Variants in TNFSF15 observed in about 807,000 individuals in gnomAD.
TNFSF15 encodes TNF superfamily member 15.
Under a neutral mutation model 26.4 loss-of-function variants are expected in TNFSF15, and 15 were observed. The ratio of observed to expected loss-of-function variants is 0.57; its 90% CI spans 0.38 to 0.87. The LOEUF is 0.87. Among genes scored for constraint, TNFSF15 ranks in the 40% least tolerant of loss-of-function variants. The pLI, the probability that TNFSF15 is intolerant of heterozygous loss-of-function variation, is 0.00. For missense variants in TNFSF15, 290 were observed against 306.1 expected (o/e 0.95, Z 0.39); for synonymous variants, 116 against 115.0 (o/e 1.01, Z -0.06).
intron 1 of TNFSF15, among the ~76,000 whole-genome samples, chr9:114,801,185 A>G (rs1829742422): frequency 6.6e-6 from 1 of 152,194 alleles, no homozygotes; most frequent in Admixed American, 6.5e-5. Flanking sequence ...ACCTTGGTGC[A>G]TTCTGCTTTG....
Position 114,787,747 on chromosome 9 carries a change from C to T in TNFSF15, c.*2705G>A, listed in dbSNP as rs1180368639. On this transcript the variant is annotated 3_prime_UTR_variant, in exon 4 of 4. Transcript: ENST00000374045. ...CATGAGCCCTATTAGGAATGTCTGA[C>T]TGTGCCTTTCCGTAAAAAATATACT... 1.3e-5 allele frequency: 2 copies of T among 153,744 alleles called. No homozygotes were observed. Among genetic ancestry groups the T allele is most frequent in the African/African-American group, 4.8e-5 (2 of 41,448 alleles). The allele number at this position is 153,744 out of a possible 1,614,324, so 9.5% of individuals were successfully genotyped here. A position where few individuals can be genotyped will look rare whatever the true frequency, so the allele number is the denominator to read the frequency against.
At position 114,786,453 on chromosome 9, in the gene TNFSF15, T is replaced by TTAC. The variant is rs1376167532; in HGVS notation, c.*3996_*3998dup. 6.6e-6 allele frequency: 1 copy of TTAC among 152,146 alleles called. No individual in the cohort carries two copies. Among genetic ancestry groups the TTAC allele is most frequent in the Non-Finnish European group, 1.5e-5 (1 of 68,050 alleles). The allele number at this position is 152,146 out of a possible 1,614,324, so 9.4% of individuals were successfully genotyped here. ...GTTAAACTTTTATAATCCAGGGGGA[T>TTAC]TACTGACCAGCACAGAGGCGGAATT... On this transcript the variant is annotated 3_prime_UTR_variant, in exon 4 of 4. Transcript: ENST00000374045.
chr9:114,801,395 G>A (rs547653525), intron 1 of TNFSF15, among the ~76,000 whole-genome samples: 1 of 152,210 alleles, frequency 6.6e-6, no homozygotes, highest in East Asian at 1.9e-4. Context: ...GGGGTTGGGA[G>A]GCAAGACCTG....
At chr9:114,795,360 T>C (rs55958451) in intron 1 of TNFSF15, among the ~76,000 whole-genome samples, 1 of 152,174 alleles carries the variant, frequency 6.6e-6, no homozygotes, top group Non-Finnish European at 1.5e-5. Context: ...GTGTTGTGAG[T>C]GTATAGTCAG....
chr9:114,799,452 T>C (rs1829712404), intron 1 of TNFSF15, among the ~76,000 whole-genome samples: 1 of 152,218 alleles, frequency 6.6e-6, no homozygotes, highest in Non-Finnish European at 1.5e-5. Context: ...TGTATCTTTT[T>C]ATCACAAGGA....
chr9:114,799,409 C>T (rs1829711919), intron 1 of TNFSF15, among the ~76,000 whole-genome samples: 1 of 152,200 alleles, frequency 6.6e-6, no homozygotes, highest in African/African-American at 2.4e-5. Flanking sequence ...TCTTTTTGGT[C>T]TTAGGACTTC....
chr9:114,805,890 C>T lies in TNFSF15; in HGVS notation c.123G>A (p.Leu41=), dbSNP rs1470305901. 9 of 1,613,958 alleles carry T rather than the reference C, an allele frequency of 5.6e-6. No homozygotes were observed. The African/African-American group carries it at 9.3e-5, about 17-fold the overall frequency. ...SSARWALTCC[L]VLLPFLAGLT... ...GTCCTGCAAGGAAGGGGAGCAACAC[C>T]AGGCAGCAGGTGAGAGCCCAGCGTG... Residue 41 remains leucine, a synonymous_variant, in exon 1 of 4, where the codon CTG becomes CTA. Coordinates refer to ENST00000374045, the MANE Select transcript of TNFSF15 (RefSeq NM_005118.4).
rs1040091957 is a variant in TNFSF15, at chr9:114,792,207, G to C, written c.301+200C>G. ...AGATAAGGAAAACGTGTGTGTGTGTGTATATACATATGTGTGTACACACAC... is the reference window on the plus strand; with the variant it reads ...AGATAAGGAAAACGTGTGTGTGTGTCTATATACATATGTGTGTACACACAC... On this transcript the variant is annotated intron_variant, in intron 3 of 3. Transcript: ENST00000374045. The C allele has an allele frequency of 4.9e-6, 3 of 609,844 alleles. No individual in the cohort carries two copies. In the African/African-American group the frequency reaches 5.9e-5, roughly 12 times the overall value. The allele number at this position is 609,844 out of a possible 1,614,324, so 37.8% of individuals were successfully genotyped here.
rs55705077 is a variant in TNFSF15, at chr9:114,798,622, C to T, written c.211-5054G>A. 1.8e-3 allele frequency among the ~76,000 whole-genome samples: 279 copies of T among 152,076 alleles called. 4 individuals carry two copies. The East Asian group carries it at 0.028, about 15-fold the overall frequency. ...CACCTTTTCATGGCTTAGAATGGCA[C>T]GAAAAGAGGTCAAGCAACTGTCCAA... On this transcript the variant is annotated intron_variant, in intron 1 of 3. Transcript: ENST00000374045.
rs1829816913 is a variant in TNFSF15, at chr9:114,805,943, A to G, written c.70T>C (p.Cys24Arg). ...SVEMLPEHGSCRPKARSSSAR... is the reference protein window; with the variant it reads ...SVEMLPEHGSRRPKARSSSAR... ...CTGCTGCTCCTGGCCTTGGGCCTGC[A>G]GCTGCCGTGCTCTGGCAGCATTTCC... Residue 24 changes from cysteine to arginine, a missense_variant, in exon 1 of 4, where the codon TGC becomes CGC. Cys to Arg is a radical substitution (Grantham distance 180, BLOSUM62 -3). This residue lies in a region of TNFSF15 where 179 missense variants were observed against 165.9 expected (regional missense o/e 1.08). Coordinates refer to ENST00000374045, the MANE Select transcript of TNFSF15 (RefSeq NM_005118.4). 1.2e-6 allele frequency: 2 copies of G among 1,614,132 alleles called. No homozygotes were observed. The highest frequency in any genetic ancestry group is 1.7e-6 in the Non-Finnish European group (2 of 1,180,044).
At chr9:114,798,382 T>G (rs1829699802) in intron 1 of TNFSF15, among the ~76,000 whole-genome samples, 1 of 152,120 alleles carries the variant, frequency 6.6e-6, no homozygotes, top group Non-Finnish European at 1.5e-5. Context: ...GTTTTTTTTT[T>G]TGTATGTTGA....
In TNFSF15 at chr9:114,792,090, T is replaced by C. The variant is rs553195277; in HGVS notation, c.301+317A>G. On this transcript the variant is annotated intron_variant, in intron 3 of 3. Coordinates refer to ENST00000374045, the MANE Select transcript of TNFSF15 (RefSeq NM_005118.4). The stretch of plus-strand genomic sequence containing the variant: ...AGGGAAGAAGACATCCAAAAAACCC[T>C]CCATGAGATACCTGCACTCACATGC... 3.9e-5 allele frequency: 12 copies of C among 307,784 alleles called. No homozygotes were observed. In the South Asian group the frequency reaches 1.1e-3, roughly 29 times the overall value. The allele number at this position is 307,784 out of a possible 1,614,324, so 19.1% of individuals were successfully genotyped here.
At position 114,785,643 on chromosome 9, in the gene TNFSF15, GA is replaced by G. The variant is rs1475039152; in HGVS notation, c.*4808del. On this transcript the variant is annotated 3_prime_UTR_variant, in exon 4 of 4. Transcript: ENST00000374045. ...AGCATCCTAGAAAAATTCTATTTTG[GA>G]GTAGAAAATTCCTTTGGGGATCAAG... is the stretch of plus-strand genomic sequence containing the variant. The G allele has an allele frequency of 6.6e-6, 1 of 152,164 alleles. No individual in the cohort carries two copies. The highest frequency in any genetic ancestry group is 2.4e-5 in the African/African-American group (1 of 41,438). The allele number at this position is 152,164 out of a possible 1,614,324, so 9.4% of individuals were successfully genotyped here.
chr9:114,803,666 T>C (rs1282903532), intron 1 of TNFSF15, among the ~76,000 whole-genome samples: 2 of 152,204 alleles, frequency 1.3e-5, no homozygotes, highest in Non-Finnish European at 2.9e-5. Flanking sequence ...TCAATGGGAT[T>C]GGATTGGAGG....
intron 1 of TNFSF15, among the ~76,000 whole-genome samples, chr9:114,802,106 G>A (rs1829756774): frequency 6.6e-6 from 1 of 152,080 alleles, no homozygotes; most frequent in Non-Finnish European, 1.5e-5. Flanking sequence ...AAGAGGGTGA[G>A]ATATTTATCT....
At chr9:114,803,169 T>G (rs1292854306) in intron 1 of TNFSF15, among the ~76,000 whole-genome samples, 1 of 152,156 alleles carries the variant, frequency 6.6e-6, no homozygotes, top group Non-Finnish European at 1.5e-5. Flanking sequence ...GGAGAGCATC[T>G]GAAATTCCAT....
At chr9:114,794,748 T>C (rs547626963) in intron 1 of TNFSF15, among the ~76,000 whole-genome samples, 4 of 152,298 alleles carry the variant, frequency 2.6e-5, no homozygotes, top group South Asian at 2.1e-4. Flanking sequence ...CTGGAGGTCA[T>C]TATGTTAAGT....
chr9:114,804,665 T>C (rs143737740), intron 1 of TNFSF15, among the ~76,000 whole-genome samples: 172 of 152,350 alleles, frequency 1.1e-3, no homozygotes, highest in African/African-American at 4.0e-3. Context: ...CTGCGGTTCT[T>C]CTTTAACATA....
At chr9:114,792,589 T>C in intron 2 of TNFSF15, 135 bp from the exon 3 acceptor site, 2 of 1,529,476 alleles carry the variant, frequency 1.3e-6, no homozygotes. Flanking sequence ...TGCCACTCCT[T>C]GCAGGATTTT....
Sources: allele counts gnomAD v4.1 joint callset (sites outside exome capture counted in the v4.1 genomes callset), GRCh38; gene constraint gnomAD v4.1.1; regional missense constraint gnomAD v4.1.1; transcripts MANE v1.5; gene names NCBI Gene and HGNC (gene_info 2026-07-23, HGNC 2026-07-21).